USP37: variants seen among roughly 807,000 people sequenced by gnomAD.
USP37 encodes ubiquitin carboxyl-terminal hydrolase 37.
Under a neutral mutation model 124.0 loss-of-function variants are expected in USP37, and 27 were observed. That is an observed-to-expected ratio of 0.22 (90% CI 0.16 to 0.30). USP37 has a LOEUF of 0.30. USP37 is among the 10% of genes least tolerant of loss of function. The pLI, the probability that USP37 is intolerant of heterozygous loss-of-function variation, is 1.00. For synonymous variants in USP37, 365 were observed against 388.0 expected (o/e 0.94, Z 0.70); for missense variants, 889 against 1,140.4 (o/e 0.78, Z 3.17).
chr2:218,511,610 T>TA (rs1197878777), intron 10 of USP37, among the ~76,000 whole-genome samples: 2 of 150,436 alleles, frequency 1.3e-5, no homozygotes, highest in African/African-American at 4.9e-5. Context: ...ATGCCCAGCC[T>TA]AATTTTTTTG....
chr2:218,537,141 GT>G (rs2106032382), intron 8 of USP37, among the ~76,000 whole-genome samples: 1 of 152,296 alleles, frequency 6.6e-6, no homozygotes, highest in African/African-American at 2.4e-5. Flanking sequence ...TAATAAAGTT[GT>G]TTTTAAAATG....
intron 18 of USP37, among the ~76,000 whole-genome samples, chr2:218,478,589 A>G (rs1691094652): frequency 6.6e-6 from 1 of 152,230 alleles, no homozygotes; most frequent in Non-Finnish European, 1.5e-5. Flanking sequence ...TGGAGAACAG[A>G]TGACCATGCC....
chr2:218,481,459 T>C (rs539940072), intron 17 of USP37, among the ~76,000 whole-genome samples: 5 of 152,252 alleles, frequency 3.3e-5, no homozygotes, highest in African/African-American at 9.6e-5. Flanking sequence ...GTGACTCTTA[T>C]TATCACCTAA....
At chr2:218,461,858 AT>A (rs1345627773) in intron 22 of USP37, among the ~76,000 whole-genome samples, 1 of 151,928 alleles carries the variant, frequency 6.6e-6, no homozygotes, top group Non-Finnish European at 1.5e-5. Context: ...AAAATGAAAT[AT>A]AAAAAATTAG....
chr2:218,513,816 G>C (rs1358379892), intron 10 of USP37, among the ~76,000 whole-genome samples: 1 of 152,002 alleles, frequency 6.6e-6, no homozygotes, highest in East Asian at 1.9e-4. Context: ...TTTTGAAATA[G>C]TTTTATTTTT....
At chr2:218,513,746 T>C (rs2106006614) in intron 10 of USP37, among the ~76,000 whole-genome samples, 1 of 152,372 alleles carries the variant, frequency 6.6e-6, no homozygotes, top group East Asian at 1.9e-4. Context: ...ATCCTTTCTA[T>C]TGCTAGACAG....
chr2:218,483,120 G>C (rs1386261982), intron 16 of USP37, among the ~76,000 whole-genome samples: 1 of 152,030 alleles, frequency 6.6e-6, no homozygotes, highest in East Asian at 1.9e-4. Context: ...CTAGAACTCA[G>C]GATCTTCAAA....
At chr2:218,552,945 A>C (rs562136228) in intron 5 of USP37, among the ~76,000 whole-genome samples, 2 of 150,644 alleles carry the variant, frequency 1.3e-5, no homozygotes, top group Non-Finnish European at 2.9e-5. Flanking sequence ...AAACAAACAA[A>C]TAAATAAATA....
At chr2:218,482,621 A>G (rs1691323687) in intron 16 of USP37, among the ~76,000 whole-genome samples, 1 of 152,238 alleles carries the variant, frequency 6.6e-6, no homozygotes, top group African/African-American at 2.4e-5. Flanking sequence ...AATAATGTCT[A>G]TTAAAATGTT....
Position 218,520,226 on chromosome 2 carries a change from G to A in USP37, c.863+9730C>T, listed in dbSNP as rs538468097. On this transcript the variant is annotated intron_variant, in intron 10 of 25. Coordinates refer to ENST00000258399, the MANE Select transcript of USP37 (RefSeq NM_020935.3). ...CAAAGTACTGGGATTATAGACATGA[G>A]CCACTGAGCTTGGCCAATTTTTTCT... Among the ~76,000 whole-genome samples, 11 of 152,166 alleles carry A rather than the reference G, an allele frequency of 7.2e-5. No homozygotes were observed. The South Asian group carries it at 2.3e-3, about 32-fold the overall frequency.
At chr2:218,555,327 TATTAG>T (rs140064986) in intron 4 of USP37, among the ~76,000 whole-genome samples, 8,598 of 152,170 alleles carry the variant, frequency 0.057, 350 homozygotes, top group East Asian at 0.12. Context: ...TTTTGTTAAT[TATTAG>T]ATAAGAATGA....
At chr2:218,503,299 T>C (rs1252402451) in intron 11 of USP37, among the ~76,000 whole-genome samples, 2 of 152,250 alleles carry the variant, frequency 1.3e-5, no homozygotes, top group African/African-American at 2.4e-5. Flanking sequence ...TTTCTTTAAA[T>C]ACACTGGACT....
chr2:218,488,175 C>CAAAAAAAAAAAA (rs66581703), intron 15 of USP37, 129 bp downstream of exon 15: 5 of 349,904 alleles, frequency 1.4e-5, no homozygotes, highest in South Asian at 4.5e-5. Context: ...GACCCTGTCT[C>CAAAAAAAAAAAA]AAAAAAAAAA....
At position 218,530,013 on chromosome 2, in the gene USP37, A is replaced by G; in HGVS notation, c.806T>C (p.Phe269Ser). The G allele has an allele frequency of 1.9e-6, 3 of 1,613,244 alleles. No homozygotes were observed. ...CTTGGATCCAGCTCTGCTACCATAA[A>G]AGGATGATGACTGTAAAGGTAAAAG... ...SGLLPLQSSS[F>S]YGSRAGSKEH... Residue 269 changes from phenylalanine (F) to serine (S), a missense_variant, in exon 10 of 26, where the codon TTT (phenylalanine) becomes TCT (serine). Around this residue, in one of 3 missense-constraint regions of USP37, gnomAD observed 374 missense variants for 386.0 expected, o/e 0.97. Transcript: ENST00000258399.
At chr2:218,544,430 T>TAGAGAGAGAGAGAGAGAGAGAG (rs56690495) in intron 8 of USP37, among the ~76,000 whole-genome samples, 7 of 50,814 alleles carry the variant, frequency 1.4e-4, no homozygotes, top group East Asian at 1.7e-3. Flanking sequence ...TATATATATA[T>TAGAGAGAGAGAGAGAGAGAGAG]AGAGAGAGAG....
chr2:218,456,865 G>A (rs1689726472), intron 24 of USP37, among the ~76,000 whole-genome samples: 2 of 152,038 alleles, frequency 1.3e-5, no homozygotes, highest in Admixed American at 1.3e-4. Context: ...AGCTACTTGG[G>A]AGGCTGAGAC....
chr2:218,513,518 T>C (rs1299768005), intron 10 of USP37, among the ~76,000 whole-genome samples: 1 of 152,192 alleles, frequency 6.6e-6, no homozygotes, highest in Non-Finnish European at 1.5e-5. Context: ...CTCCCAAAAG[T>C]ATCCTGGTGC....
chr2:218,458,241 A>AGCGAGACTCTGTCT (rs1277979439), intron 23 of USP37, among the ~76,000 whole-genome samples: 21 of 135,684 alleles, frequency 1.5e-4, no homozygotes, highest in South Asian at 5.6e-4. Flanking sequence ...TGGGTGACAG[A>AGCGAGACTCTGTCT]CAGACCTTGC....
rs71403040 is a variant in USP37 at position 218,454,613 on chromosome 2, C to CGTGTGT, written c.*311_*316dup. ...TAACTCTTTAAGGCTCCATTCATCCCGTGTGTGTGTGTGTGTGTCTGTGTG... is the reference window on the plus strand; with the variant it reads ...TAACTCTTTAAGGCTCCATTCATCCCGTGTGTGTGTGTGTGTGTGTGTGTCTGTGTG... On this transcript the variant is annotated 3_prime_UTR_variant, in exon 26 of 26. Transcript: ENST00000258399. 533 of 223,758 alleles carry CGTGTGT rather than the reference C, an allele frequency of 2.4e-3. 4 individuals are homozygous for CGTGTGT. Among genetic ancestry groups the CGTGTGT allele is most frequent in the African/African-American group, 0.012 (509 of 43,394 alleles). The allele number at this position is 223,758 out of a possible 1,614,324, so 13.9% of individuals were successfully genotyped here. A position where few individuals can be genotyped will look rare whatever the true frequency, so the allele number is the denominator to read the frequency against.
Sources: allele counts gnomAD v4.1 joint callset (sites outside exome capture counted in the v4.1 genomes callset), GRCh38; gene constraint gnomAD v4.1.1; regional missense constraint gnomAD v4.1.1; transcripts MANE v1.5; gene names NCBI Gene and HGNC (gene_info 2026-07-23, HGNC 2026-07-21).